Variants in RIMS1 observed in about 807,000 individuals in gnomAD.
RIMS1 encodes the protein regulating synaptic membrane exocytosis 1.
RIMS1 carries 83 observed loss-of-function variants against 214.1 expected under a neutral mutation model. That is an observed-to-expected ratio of 0.39 (90% CI 0.32 to 0.47). The LOEUF is 0.47. Ranked by LOEUF, RIMS1 falls within the 20% of genes least tolerant of loss-of-function variation. The pLI is 0.99. For missense variants in RIMS1, 2,050 were observed against 2,161.8 expected, an observed-to-expected ratio of 0.95 and a Z score of 1.03; for synonymous variants, 793 against 786.8, an observed-to-expected ratio of 1.01 and a Z score of -0.13.
chr6:72,223,267 G>A (rs557750229), intron 6 of RIMS1, among the ~76,000 whole-genome samples: 86 of 152,166 alleles, frequency 5.7e-4, no homozygotes, highest in Middle Eastern at 3.4e-3. Flanking sequence ...AAGATAACTT[G>A]CTATTTACTG....
intron 6 of RIMS1, chr6:72,213,324 T>C: frequency 1.8e-6 from 2 of 1,103,818 alleles, no homozygotes; most frequent in Non-Finnish European, 2.5e-6. Flanking sequence ...AAAATATTTC[T>C]ATTCTCTGTG....
chr6:72,265,906 C>G, intron 21 of RIMS1, 54 bp from the exon 22 acceptor site: 1 of 1,289,250 alleles, frequency 7.8e-7, no homozygotes, highest in East Asian at 2.5e-5. Context: ...GTCTTCCTTT[C>G]TTTGTTTTCT....
At position 72,182,825 on chromosome 6, in the gene RIMS1, C is replaced by T. The variant is rs1429236301; in HGVS notation, c.1354C>T (p.Pro452Ser). Residue 452 changes from proline to serine, a missense_variant, in exon 6 of 34, where the codon CCC becomes TCC. By Grantham distance (74) the Pro-to-Ser change is moderately conservative. Coordinates refer to ENST00000521978, the MANE Select transcript of RIMS1 (RefSeq NM_014989.7). ...GCTAACGAACCACAGCCCGCCGGCG[C>T]CCAGACATGGGCCGGTTCCCGCAGA... ...KQLTNHSPPA[P>S]RHGPVPAEAP... 2 of 1,550,846 alleles carry T rather than the reference C, an allele frequency of 1.3e-6. No individual in the cohort carries two copies. The highest frequency in any genetic ancestry group is 2.4e-5 in the East Asian group (1 of 41,128).
rs560857848 is a variant in RIMS1, at chr6:72,180,580, A to G, written c.812+665A>G. 2.6e-5 allele frequency among the ~76,000 whole-genome samples: 4 copies of G among 152,350 alleles called. 1 individual carries two copies. In the South Asian group the frequency reaches 8.3e-4, roughly 32 times the overall value. ...GAAGCCACTGAATATTTAAACAGGG[A>G]CGAATATGATCAGATTATTTACTTT... On this transcript the variant is annotated intron_variant, in intron 5 of 33. Transcript: ENST00000521978.
intron 29 of RIMS1, among the ~76,000 whole-genome samples, chr6:72,362,669 A>G (rs1023771194): frequency 5.9e-5 from 9 of 152,130 alleles, no homozygotes; most frequent in African/African-American, 1.2e-4. Context: ...CAGCACTTCT[A>G]TATCTTTTGA....
intron 29 of RIMS1, among the ~76,000 whole-genome samples, chr6:72,370,348 T>C (rs1417417067): frequency 2.0e-5 from 3 of 152,228 alleles, no homozygotes; most frequent in African/African-American, 7.2e-5. Flanking sequence ...ACAACTGTTA[T>C]GATTACTTAG....
intron 2 of RIMS1, among the ~76,000 whole-genome samples, chr6:72,000,030 G>C (rs1804655747): frequency 6.6e-6 from 1 of 151,880 alleles, no homozygotes; most frequent in South Asian, 2.1e-4. Flanking sequence ...TAGCATTGAT[G>C]AACTTTTCTT....
chr6:72,307,461 G>A (rs1323266594), intron 27 of RIMS1, 91 bp downstream of exon 27: 3 of 822,370 alleles, frequency 3.6e-6, no homozygotes, highest in Admixed American at 5.6e-5. Context: ...AATTATATAA[G>A]AGAAGTTATC....
chr6:72,265,932 A>G, intron 21 of RIMS1, 28 bp from the exon 22 acceptor site: 1 of 1,484,968 alleles, frequency 6.7e-7, no homozygotes, highest in Non-Finnish European at 9.2e-7. Context: ...TTTCTCTTCT[A>G]CCACTGGATG....
intron 29 of RIMS1, among the ~76,000 whole-genome samples, chr6:72,356,004 CATT>C (rs560964570): frequency 1.8e-4 from 27 of 152,250 alleles, no homozygotes; most frequent in African/African-American, 6.5e-4. Context: ...TGTATATCAT[CATT>C]GACGTAATTC....
intron 23 of RIMS1, among the ~76,000 whole-genome samples, chr6:72,280,879 A>G (rs973626523): frequency 1.3e-5 from 2 of 152,142 alleles, no homozygotes; most frequent in East Asian, 1.9e-4. Flanking sequence ...AACATAGTCA[A>G]TTCTAGTTCT....
chr6:72,264,837 T>C lies in RIMS1; in HGVS notation c.3117-138T>C, dbSNP rs989456540. 7.1e-6 allele frequency: 4 copies of C among 561,796 alleles called. No individual in the cohort carries two copies. The East Asian group carries it at 1.4e-4, about 19-fold the overall frequency. The allele number at this position is 561,796 out of a possible 1,614,324, so 34.8% of individuals were successfully genotyped here. A position where few individuals can be genotyped will look rare whatever the true frequency, so the allele number is the denominator to read the frequency against. On this transcript the variant is annotated intron_variant, in intron 19 of 33. Transcript: ENST00000521978. ...TTGTAGTCTTCCCTTCAAATAGTTA[T>C]TGTGGTTCTTTTGAGAAAAAAATGA...
chr6:72,281,371 G>T (rs1031010671), intron 23 of RIMS1, among the ~76,000 whole-genome samples: 1 of 152,034 alleles, frequency 6.6e-6, no homozygotes, highest in Non-Finnish European at 1.5e-5. Context: ...AACAATCATT[G>T]ATTACTGTGA....
At chr6:72,092,322 A>C (rs1484595924) in intron 2 of RIMS1, among the ~76,000 whole-genome samples, 4 of 50,210 alleles carry the variant, frequency 8.0e-5, no homozygotes, top group Non-Finnish European at 1.4e-4. Context: ...CCTTCCTTCC[A>C]TAATATTGGC....
At chr6:72,326,515 G>T (rs1052616930) in intron 28 of RIMS1, among the ~76,000 whole-genome samples, 14 of 151,612 alleles carry the variant, frequency 9.2e-5, no homozygotes, top group Non-Finnish European at 1.5e-4. Context: ...TGTTTAAATT[G>T]GTTTCTTGTT....
At chr6:72,376,891 C>T (rs1466372076) in intron 29 of RIMS1, among the ~76,000 whole-genome samples, 1 of 152,118 alleles carries the variant, frequency 6.6e-6, no homozygotes, top group Non-Finnish European at 1.5e-5. Context: ...AATGATAGTT[C>T]CTTCAAATGG....
chr6:71,928,374 T>C (rs1782131697), intron 1 of RIMS1, among the ~76,000 whole-genome samples: 1 of 152,144 alleles, frequency 6.6e-6, no homozygotes. Context: ...AATTCTTTAT[T>C]GATAGTTTTT....
intron 26 of RIMS1, among the ~76,000 whole-genome samples, chr6:72,295,466 AAAAT>A (rs1157427197): frequency 1.3e-5 from 2 of 151,880 alleles, no homozygotes; most frequent in Non-Finnish European, 3.0e-5. Flanking sequence ...ATCAGATAAA[AAAAT>A]AAATTTCATT....
At chr6:71,997,529 A>T (rs1166534269) in intron 2 of RIMS1, among the ~76,000 whole-genome samples, 1 of 152,208 alleles carries the variant, frequency 6.6e-6, no homozygotes, top group Non-Finnish European at 1.5e-5. Context: ...AAATGTTAGA[A>T]ATCATCACAA....
Sources: allele counts gnomAD v4.1 joint callset (sites outside exome capture counted in the v4.1 genomes callset), GRCh38; gene constraint gnomAD v4.1.1; transcripts MANE v1.5; gene names NCBI Gene and HGNC (gene_info 2026-07-23, HGNC 2026-07-21).